Variants in DLAT observed in about 807,000 individuals in gnomAD.
DLAT encodes the protein dihydrolipoamide S-acetyltransferase.
DLAT carries 43 observed loss-of-function variants against 68.0 expected under a neutral mutation model. That is an observed-to-expected ratio of 0.63 (90% CI 0.50 to 0.81). DLAT has a LOEUF of 0.81. Among genes scored for constraint, DLAT ranks in the 40% least tolerant of loss-of-function variants. DLAT has a pLI of 0.00. For synonymous variants in DLAT, 265 were observed against 288.6 expected (o/e 0.92, Z 0.83); for missense variants, 745 against 815.4 (o/e 0.91, Z 1.05).
intron 4 of DLAT, among the ~76,000 whole-genome samples, chr11:112,033,043 G>C (rs1198129059): frequency 1.3e-5 from 2 of 152,098 alleles, no homozygotes; most frequent in African/African-American, 4.8e-5. Context: ...CAGCCTGGGG[G>C]ACAGAGCAAG....
rs1863619150 is a variant in DLAT at position 112,051,349 on chromosome 11, A to G, written c.1514A>G (p.Gln505Arg). The change falls in exon 11 of 14, where the codon CAA (glutamine) becomes CGA (arginine). Residue 505 changes from glutamine (Q) to arginine (R), a missense_variant and splice_region_variant. By Grantham distance (43) the Gln-to-Arg change is conservative. Transcript: ENST00000280346. The surrounding 1 kb of genome is among the most constrained non-coding windows in gnomAD (Gnocchi z 4.3). ...TCTTGGATGGACACAGTTATAAGAC[A>G]GTAAGTATAACTGGGGAAGATATAT... Reference protein sequence around the residue: ...NSSWMDTVIRQNHVVDVSVAV... With the variant: ...NSSWMDTVIRRNHVVDVSVAV... The G allele has an allele frequency of 1.9e-6, 3 of 1,590,422 alleles. No homozygotes were observed.
Position 112,028,821 on chromosome 11 carries a change from A to G in DLAT, c.536A>G (p.Tyr179Cys), listed in dbSNP as rs781869552. The G allele has an allele frequency of 6.2e-7, 1 of 1,614,010 alleles. No individual in the cohort carries two copies. Among genetic ancestry groups the G allele is most frequent in the African/African-American group, 1.3e-5 (1 of 74,896 alleles). ...GAGGATATTGAGGCCTTTAAAAATTATACACTGGATTCCTCAGCAGCACCT... is the reference window on the plus strand; with the variant it reads ...GAGGATATTGAGGCCTTTAAAAATTGTACACTGGATTCCTCAGCAGCACCT... Reference protein sequence around the residue: ...KPEDIEAFKNYTLDSSAAPTP... With the variant: ...KPEDIEAFKNCTLDSSAAPTP... Residue 179 changes from tyrosine (Y) to cysteine (C), a missense_variant, in exon 4 of 14, where the codon TAT becomes TGT. Tyr to Cys is a radical substitution (Grantham distance 194, BLOSUM62 -2). Transcript: ENST00000280346.
intron 2 of DLAT, among the ~76,000 whole-genome samples, chr11:112,027,638 C>T (rs1862135188): frequency 6.6e-6 from 1 of 152,210 alleles, no homozygotes; most frequent in African/African-American, 2.4e-5. Flanking sequence ...CAGACTCCGT[C>T]TGCAATCCCG....
chr11:112,026,081 C>G, intron 1 of DLAT, 117 bp from the exon 2 acceptor site: 5 of 885,660 alleles, frequency 5.6e-6, no homozygotes, highest in Non-Finnish European at 9.2e-6. Flanking sequence ...CCCTAGTTCC[C>G]AATGTGCAAT....
rs782029228 is a variant in DLAT, at chr11:112,033,458, G to GA, written c.723dup (p.Val242SerfsTer3). 1.2e-6 allele frequency: 2 copies of GA among 1,613,114 alleles called. No homozygotes were observed. Among genetic ancestry groups the GA allele is most frequent in the South Asian group, 1.1e-5 (1 of 91,024 alleles). On this transcript the variant is annotated frameshift_variant, in exon 5 of 14. Transcript: ENST00000280346. LOFTEE classifies it high-confidence loss of function. The stretch of plus-strand genomic sequence containing the variant: ...GACCATGGGCACAGTTCAGAGATGG[G>GA]AAAAAAAAGTGGGTGAGAAGCTAAG...
chr11:112,054,088 C>T (rs112447929), intron 11 of DLAT, among the ~76,000 whole-genome samples: 2,148 of 151,722 alleles, frequency 0.014, 52 homozygotes, highest in African/African-American at 0.049. Context: ...GCAGGTGGAT[C>T]GCCTGAGGTC....
chr11:112,048,602 T>A lies in DLAT; in HGVS notation c.1398+2632T>A, dbSNP rs587699124. ...AGACTGGGGTGCAGTGGCGTGATCT[T>A]GGCTTACTGCAACCTCCACCTTCCA... On this transcript the variant is annotated intron_variant, in intron 10 of 13. Transcript: ENST00000280346. Among the ~76,000 whole-genome samples the A allele has an allele frequency of 9.2e-5, 14 of 152,290 alleles. No individual in the cohort carries two copies. In the South Asian group the frequency reaches 2.9e-3, roughly 32 times the overall value.
At chr11:112,045,327 A>T in intron 9 of DLAT, 97 bp downstream of exon 9, 3 of 1,028,204 alleles carry the variant, frequency 2.9e-6, no homozygotes, top group Non-Finnish European at 4.6e-6. Context: ...GAGGCTTTTT[A>T]AGTTGGGAAT....
Position 112,025,728 on chromosome 11 carries a change from TAC to T in DLAT, c.258_259del (p.Tyr86Ter). On this transcript the variant is annotated frameshift_variant, in exon 1 of 14. Transcript: ENST00000280346. LOFTEE classifies it high-confidence loss of function. ...TTTGGGGTCGCCCGGCCGCCGCTAT[TAC>T]AGTCTTCCCCCGCATCAGAAGGTGA... ...QLLGSPGRRY[Y>X]SLPPHQKVPL... 1 of 1,613,272 alleles carries T rather than the reference TAC, an allele frequency of 6.2e-7. No homozygotes were observed. Among genetic ancestry groups the T allele is most frequent in the Non-Finnish European group, 8.5e-7 (1 of 1,179,962 alleles).
chr11:112,031,955 G>T (rs1211019074), intron 4 of DLAT, among the ~76,000 whole-genome samples: 2 of 122,340 alleles, frequency 1.6e-5, no homozygotes, highest in Non-Finnish European at 3.2e-5. Context: ...GAGTGTAGTG[G>T]CACGATCTTG....
Position 112,062,758 on chromosome 11 carries a change from G to A in DLAT, c.*223G>A. ...AATCAGACACCAGATTTTTAGCTCT[G>A]TACTCCTAATTAAGGGACATGTATG... On this transcript the variant is annotated 3_prime_UTR_variant, in exon 14 of 14. Coordinates refer to ENST00000280346, the MANE Select transcript of DLAT (RefSeq NM_001931.5). The A allele has an allele frequency of 1.9e-6, 1 of 514,590 alleles. No homozygotes were observed. Among genetic ancestry groups the A allele is most frequent in the Non-Finnish European group, 3.5e-6 (1 of 289,712 alleles). 31.9% of individuals were successfully genotyped at this position (514,590 alleles called of 1,614,324 possible). A position where few individuals can be genotyped will look rare whatever the true frequency, so the allele number is the denominator to read the frequency against.
At chr11:112,030,238 C>G (rs1333426844) in intron 4 of DLAT, 1 of 579,334 alleles carries the variant, frequency 1.7e-6, no homozygotes, top group Non-Finnish European at 3.4e-6. Flanking sequence ...CAGAACTACC[C>G]AAAGTTCTCG....
chr11:112,027,756 C>A (rs1862144492), intron 2 of DLAT, among the ~76,000 whole-genome samples: 1 of 152,218 alleles, frequency 6.6e-6, no homozygotes, highest in South Asian at 2.1e-4. Flanking sequence ...GAAAACCAGT[C>A]AGGCGTGGCG....
chr11:112,058,893 C>T (rs1346395543), intron 11 of DLAT, among the ~76,000 whole-genome samples: 1 of 151,938 alleles, frequency 6.6e-6, no homozygotes, highest in African/African-American at 2.4e-5. Flanking sequence ...GCTTTTGAAC[C>T]GTTTGATAAC....
At position 112,059,923 on chromosome 11, in the gene DLAT, G is replaced by A. The variant is rs113521778; in HGVS notation, c.1535G>A (p.Ser512Asn). The A allele has an allele frequency of 6.2e-6, 10 of 1,610,964 alleles. No homozygotes were observed. Among genetic ancestry groups the A allele is most frequent in the Middle Eastern group, 1.7e-4 (1 of 6,046 alleles). ...VIRQNHVVDV[S>N]VAVSTPAGLI... ...AACAGAAATCATGTTGTTGATGTCA[G>A]TGTTGCGGTCAGTACTCCTGCAGGA... Residue 512 changes from serine to asparagine, a missense_variant, in exon 12 of 14, where the codon AGT (serine) becomes AAT (asparagine). Ser to Asn is a conservative substitution (Grantham distance 46). Coordinates refer to ENST00000280346, the MANE Select transcript of DLAT (RefSeq NM_001931.5).
chr11:112,058,337 G>A (rs1251733044), intron 11 of DLAT, among the ~76,000 whole-genome samples: 1 of 152,086 alleles, frequency 6.6e-6, no homozygotes, highest in African/African-American at 2.4e-5. Context: ...AGTCATACAC[G>A]GTATTTTTAT....
At chr11:112,060,158 ATTTTTTTTTTT>A (rs782188808) in intron 12 of DLAT, 93 bp downstream of exon 12, 1 of 496,038 alleles carries the variant, frequency 2.0e-6, no homozygotes, top group Non-Finnish European at 3.1e-6. Flanking sequence ...CTGTCACGTA[ATTTTTTTTTTT>A]TTTTTTTTTT....
intron 11 of DLAT, among the ~76,000 whole-genome samples, chr11:112,058,677 C>T (rs1360423884): frequency 2.7e-5 from 4 of 149,980 alleles, no homozygotes; most frequent in Non-Finnish European, 5.9e-5. Context: ...GCATTTCTTC[C>T]TTTTATAAAT....
intron 7 of DLAT, among the ~76,000 whole-genome samples, chr11:112,040,825 C>G (rs578669): frequency 0.061 from 9,266 of 151,330 alleles, 925 homozygotes; most frequent in African/African-American, 0.21. Context: ...AGAATTTAGA[C>G]AAGCAAAGAA....
Sources: gnomAD v4.1 joint callset for allele counts (sites outside exome capture counted in the v4.1 genomes callset) on GRCh38, gnomAD v4.1.1 for gene constraint, Gnocchi (gnomAD v3.1) non-coding constraint, MANE v1.5 for transcripts, NCBI Gene and HGNC (gene_info 2026-07-23, HGNC 2026-07-21) for gene names.